The following FSTL4 variants were observed in gnomAD, a reference collection of about 807,000 sequenced individuals.
FSTL4 encodes follistatin-related protein 4.
A neutral mutation model predicts 78.2 loss-of-function variants in FSTL4; 28 were observed. The observed-to-expected ratio is 0.36, with a 90% CI of 0.27 to 0.49. The LOEUF is 0.49. FSTL4 is among the 20% of genes least tolerant of loss of function. The pLI is 0.98. For synonymous variants in FSTL4, 422 were observed against 440.5 expected, an observed-to-expected ratio of 0.96 and a Z score of 0.53; for missense variants, 922 against 1,084.9, an observed-to-expected ratio of 0.85 and a Z score of 2.11.
the FSTL4 span, among the ~76,000 whole-genome samples, chr5:133,830,411 C>G: frequency 5.9e-4 from 90 of 152,278 alleles, 1 homozygote; most frequent in South Asian, 2.1e-4. Context: ...GAAGTACCAC[C>G]GCATGGAGGA....
At chr5:133,441,454 C>T (rs1398012242) in intron 3 of FSTL4, among the ~76,000 whole-genome samples, 2 of 152,056 alleles carry the variant, frequency 1.3e-5, no homozygotes, top group African/African-American at 4.8e-5. Context: ...CTACAGTGGC[C>T]GAGAAACGTT....
At chr5:133,711,592 T>C in the FSTL4 span, among the ~76,000 whole-genome samples, 1 of 152,182 alleles carries the variant, frequency 6.6e-6, no homozygotes, top group Non-Finnish European at 1.5e-5. Context: ...GACTGTTCCT[T>C]TGTACTCTGC....
At chr5:133,238,588 G>T (rs1176914344) in intron 7 of FSTL4, among the ~76,000 whole-genome samples, 2 of 151,734 alleles carry the variant, frequency 1.3e-5, no homozygotes, top group East Asian at 3.9e-4. Flanking sequence ...GTGTGCACAT[G>T]TGGGTGAGCA....
rs1332743762 is a variant in FSTL4, at chr5:133,361,717, C to T, written c.409+39021G>A. ...GACAGTGGTTCTAAGTGGGGCAGAACTGCCTTGTAGTGGTTTTTTTGGCAA... is the reference window on the plus strand; with the variant it reads ...GACAGTGGTTCTAAGTGGGGCAGAATTGCCTTGTAGTGGTTTTTTTGGCAA... On this transcript the variant is annotated intron_variant, in intron 4 of 15. Coordinates refer to ENST00000265342, the MANE Select transcript of FSTL4 (RefSeq NM_015082.2). The surrounding 1 kb of genome is among the most constrained non-coding windows in gnomAD (Gnocchi z 4.3). Among the ~76,000 whole-genome samples the T allele has an allele frequency of 6.6e-6, 1 of 152,240 alleles. No individual in the cohort carries two copies. Among genetic ancestry groups the T allele is most frequent in the Non-Finnish European group, 1.5e-5 (1 of 68,040 alleles).
chr5:133,535,248 A>G (rs1759329669), intron 3 of FSTL4, among the ~76,000 whole-genome samples: 1 of 152,206 alleles, frequency 6.6e-6, no homozygotes, highest in African/African-American at 2.4e-5. Flanking sequence ...TGTTGGGAGC[A>G]AGCCCCCCAA....
intron 6 of FSTL4, among the ~76,000 whole-genome samples, chr5:133,304,775 T>G (rs1462639041): frequency 6.6e-6 from 1 of 152,134 alleles, no homozygotes; most frequent in Non-Finnish European, 1.5e-5. Flanking sequence ...TGGTGCAGGG[T>G]GCACTGGCCA....
the FSTL4 span, among the ~76,000 whole-genome samples, chr5:133,828,340 G>A: frequency 1.3e-5 from 2 of 152,088 alleles, no homozygotes; most frequent in Non-Finnish European, 2.9e-5. Context: ...TAAAGTTTGC[G>A]CACTAAAGTG....
intron 2 of FSTL4, among the ~76,000 whole-genome samples, chr5:133,579,766 A>T (rs902527527): frequency 2.0e-5 from 3 of 152,222 alleles, no homozygotes; most frequent in Non-Finnish European, 4.4e-5. Flanking sequence ...AAGACAAAAA[A>T]GGAAGAAAGT....
the FSTL4 span, among the ~76,000 whole-genome samples, chr5:133,687,314 G>T: frequency 6.6e-6 from 1 of 152,196 alleles, no homozygotes; most frequent in East Asian, 1.9e-4. Flanking sequence ...CCAGCGGCAG[G>T]GAGGCCAGGT....
chr5:133,316,427 A>G (rs754865729), intron 5 of FSTL4, 32 bp downstream of exon 5: 2 of 1,574,514 alleles, frequency 1.3e-6, no homozygotes, highest in Admixed American at 3.4e-5. Context: ...GGATTCCTCC[A>G]TCATGTGACT....
the FSTL4 span, among the ~76,000 whole-genome samples, chr5:133,773,213 T>C: frequency 1.3e-5 from 2 of 150,480 alleles, no homozygotes; most frequent in Admixed American, 6.7e-5. Context: ...AAAATTCTTA[T>C]GGGGACTGGA....
intron 3 of FSTL4, among the ~76,000 whole-genome samples, chr5:133,467,620 C>T (rs186974178): frequency 5.3e-5 from 8 of 152,156 alleles, no homozygotes; most frequent in South Asian, 2.1e-4. Context: ...AAGGCTGTGA[C>T]GGAGGGGATG....
intron 3 of FSTL4, among the ~76,000 whole-genome samples, chr5:133,562,921 T>C (rs930618357): frequency 2.6e-5 from 4 of 152,138 alleles, no homozygotes; most frequent in African/African-American, 4.8e-5. Context: ...GCAATCAGCA[T>C]TGGCCCTCAC....
At chr5:133,468,543 T>G (rs1382381574) in intron 3 of FSTL4, among the ~76,000 whole-genome samples, 2 of 150,148 alleles carry the variant, frequency 1.3e-5, no homozygotes, top group Non-Finnish European at 1.5e-5. Context: ...AGACCTGCCC[T>G]CTAAGGCAGA....
At position 133,583,253 on chromosome 5, in the gene FSTL4, T is replaced by A. The variant is rs1226770961; in HGVS notation, c.127-16034A>T. ...CAGTAACCAACTTGGCTGCCAATGCTGGGAATCTTACCTCCTCCTTAAGAT... is the reference window on the plus strand; with the variant it reads ...CAGTAACCAACTTGGCTGCCAATGCAGGGAATCTTACCTCCTCCTTAAGAT... On this transcript the variant is annotated intron_variant, in intron 2 of 15. Transcript: ENST00000265342. 3 of 455,776 alleles carry A rather than the reference T, an allele frequency of 6.6e-6. No homozygotes were observed. The Admixed American group carries it at 7.1e-5, about 11-fold the overall frequency. 28.2% of individuals were successfully genotyped at this position (455,776 alleles called of 1,614,324 possible).
chr5:133,700,519 C>A, the FSTL4 span, among the ~76,000 whole-genome samples: 1 of 152,274 alleles, frequency 6.6e-6, no homozygotes, highest in Non-Finnish European at 1.5e-5. Context: ...TGCTCATCCT[C>A]CAACAGGCAA....
chr5:133,223,266 G>T (rs2126791240), intron 11 of FSTL4, among the ~76,000 whole-genome samples: 1 of 152,306 alleles, frequency 6.6e-6, no homozygotes, highest in Middle Eastern at 3.4e-3. Flanking sequence ...CCTTTGTTTT[G>T]TTCCCAGACT....
At chr5:133,735,183 G>A in the FSTL4 span, among the ~76,000 whole-genome samples, 84 of 152,136 alleles carry the variant, frequency 5.5e-4, 2 homozygotes, top group Admixed American at 3.9e-4. Context: ...AAAAAAGGCC[G>A]GCCGAGCACA....
At chr5:133,413,319 G>C (rs1268548554) in intron 3 of FSTL4, among the ~76,000 whole-genome samples, 1 of 151,306 alleles carries the variant, frequency 6.6e-6, no homozygotes, top group Non-Finnish European at 1.5e-5. Flanking sequence ...AGTTTTTTAT[G>C]CTGTGTAATT....
Sources: gnomAD v4.1 joint callset for allele counts (sites outside exome capture counted in the v4.1 genomes callset) on GRCh38, gnomAD v4.1.1 for gene constraint, Gnocchi (gnomAD v3.1) non-coding constraint, MANE v1.5 for transcripts, NCBI Gene and HGNC (gene_info 2026-07-23, HGNC 2026-07-21) for gene names.